KIAA1549: variants seen among roughly 807,000 people sequenced by gnomAD.
KIAA1549 encodes the protein UPF0606 protein KIAA1549.
KIAA1549 carries 70 observed loss-of-function variants against 156.4 expected under a neutral mutation model. The ratio of observed to expected loss-of-function variants is 0.45; its 90% confidence interval spans 0.37 to 0.55. The LOEUF is 0.55. Among genes scored for constraint, KIAA1549 ranks in the 20% least tolerant of loss-of-function variants. The pLI, the probability that KIAA1549 is intolerant of heterozygous loss-of-function variation, is 0.00. For missense variants in KIAA1549, 2,428 were observed against 2,540.9 expected, an observed-to-expected ratio of 0.96 and a Z score of 0.96; for synonymous variants, 1,103 against 1,066.4, an observed-to-expected ratio of 1.03 and a Z score of -0.67.
At chr7:138,899,911 A>AT (rs1811794179) in intron 8 of KIAA1549, among the ~76,000 whole-genome samples, 1 of 152,196 alleles carries the variant, frequency 6.6e-6, no homozygotes, top group Non-Finnish European at 1.5e-5. Context: ...CACACTTGAC[A>AT]TATCGTACCT....
At position 138,903,734 on chromosome 7, in the gene KIAA1549, G is replaced by C. The variant is rs766057548; in HGVS notation, c.3523C>G (p.Leu1175Val). The C allele has an allele frequency of 8.1e-5, 129 of 1,588,946 alleles. No individual in the cohort carries two copies. Among genetic ancestry groups the C allele is most frequent in the Admixed American group, 1.8e-4 (10 of 55,906 alleles). ...AGTTGCTTCTCCATGACGCCCAGGA[G>C]AACTACATTTAAATGAAAACATACG... ...LLKSSWVRTVLLGVMEKQLQN... is the reference protein window; with the variant it reads ...LLKSSWVRTVVLGVMEKQLQN... Residue 1175 changes from leucine (L) to valine (V), a missense_variant and splice_region_variant, in exon 8 of 20, where the codon CTC (leucine) becomes GTC (valine). This residue lies in a region of KIAA1549 where 762 missense variants were observed against 901.6 expected (regional missense o/e 0.85). Transcript: ENST00000422774.
At chr7:138,947,251 T>A (rs1191528115) in intron 1 of KIAA1549, among the ~76,000 whole-genome samples, 3 of 152,256 alleles carry the variant, frequency 2.0e-5, no homozygotes, top group African/African-American at 7.2e-5. Flanking sequence ...GCATCCATGA[T>A]GGCTTCTACG....
intron 11 of KIAA1549, 144 bp from the exon 12 acceptor site, chr7:138,879,797 G>A (rs112839766): frequency 6.4e-5 from 39 of 607,914 alleles, no homozygotes; most frequent in Admixed American, 1.4e-4. Context: ...ATAGCACAGC[G>A]TCTTCAAGGA....
At position 138,832,647 on chromosome 7, in the gene KIAA1549, C is replaced by A; in HGVS notation, c.*5259G>T. On this transcript the variant is annotated 3_prime_UTR_variant, in exon 20 of 20. Coordinates refer to ENST00000422774, the MANE Select transcript of KIAA1549 (RefSeq NM_001164665.2). The stretch of plus-strand genomic sequence containing the variant: ...ATTCATTGCTTCTGTCACTTTCTTA[C>A]TGGCTCCTAACTTTGTTTCATGTTT... The A allele has an allele frequency of 4.7e-6, 1 of 214,710 alleles. No homozygotes were observed. The allele number at this position is 214,710 out of a possible 1,614,324, so 13.3% of individuals were successfully genotyped here.
intron 16 of KIAA1549, among the ~76,000 whole-genome samples, chr7:138,854,516 C>A (rs748890247): frequency 6.6e-6 from 1 of 152,092 alleles, no homozygotes; most frequent in Non-Finnish European, 1.5e-5. Context: ...CTGAAGGCAC[C>A]TTGAAATCCA....
chr7:138,858,572 C>T (rs1228521568), intron 16 of KIAA1549, among the ~76,000 whole-genome samples: 1 of 152,074 alleles, frequency 6.6e-6, no homozygotes, highest in Non-Finnish European at 1.5e-5. Flanking sequence ...TTAGGTAGAA[C>T]CAGAGCAGCT....
chr7:138,870,664 G>A (rs1417665866), intron 13 of KIAA1549, among the ~76,000 whole-genome samples: 5 of 152,100 alleles, frequency 3.3e-5, no homozygotes, highest in African/African-American at 7.2e-5. Flanking sequence ...CTGCCAATGC[G>A]CCCCAGAGTG....
At chr7:138,890,845 C>T (rs777391105) in intron 10 of KIAA1549, among the ~76,000 whole-genome samples, 2 of 152,256 alleles carry the variant, frequency 1.3e-5, no homozygotes, top group Non-Finnish European at 1.5e-5. Flanking sequence ...CCACTGCTTA[C>T]AGCATAATTT....
At chr7:138,844,508 C>T in intron 17 of KIAA1549, 34 bp from the exon 18 acceptor site, 2 of 1,493,600 alleles carry the variant, frequency 1.3e-6, no homozygotes, top group Non-Finnish European at 8.9e-7. Context: ...ATCAGGACTC[C>T]ACTGCACCCT....
At chr7:138,887,350 A>G (rs1157884926) in intron 10 of KIAA1549, among the ~76,000 whole-genome samples, 1 of 152,210 alleles carries the variant, frequency 6.6e-6, no homozygotes, top group Non-Finnish European at 1.5e-5. Flanking sequence ...AAACGTATTT[A>G]AATAAAATGC....
Position 138,881,545 on chromosome 7 carries a change from G to C in KIAA1549, c.4072C>G (p.Gln1358Glu), listed in dbSNP as rs1376219790. ...TCTTTATTGTGCTGACCCAGATGCT[G>C]CTTAGCAAAATCGAAGCCCTTCACA... ...PSVKGFDFAK[Q>E]HLGQHNKDDI... Residue 1358 changes from glutamine (Q) to glutamate (E), a missense_variant, in exon 11 of 20, where the codon CAG (glutamine) becomes GAG (glutamate). Gln to Glu is a conservative substitution (Grantham distance 29). Coordinates refer to ENST00000422774, the MANE Select transcript of KIAA1549 (RefSeq NM_001164665.2). The C allele has an allele frequency of 1.2e-6, 2 of 1,613,770 alleles. No individual in the cohort carries two copies. The highest frequency in any genetic ancestry group is 1.7e-5 in the Admixed American group (1 of 59,982).
chr7:138,919,130 A>G lies in KIAA1549; in HGVS notation c.496T>C (p.Trp166Arg). 1 of 1,614,040 alleles carries G rather than the reference A, an allele frequency of 6.2e-7. No individual in the cohort carries two copies. The highest frequency in any genetic ancestry group is 8.5e-7 in the Non-Finnish European group (1 of 1,179,890). The change falls in exon 2 of 20, where the codon TGG (tryptophan) becomes CGG (arginine). Residue 166 changes from tryptophan to arginine, a missense_variant. Around this residue, in one of 5 missense-constraint regions of KIAA1549, gnomAD observed 893 missense variants for 847.9 expected, o/e 1.05. Transcript: ENST00000422774. ...GGAGAAACCATCCGTGGAGTGGTCC[A>G]GTGAGTATCTGGCAGAAAGTTATCC... ...EMDNFLPDTH[W>R]TTPRMVSPIQ...
At chr7:138,838,307 G>C (rs536226666) in intron 19 of KIAA1549, 147 bp from the exon 20 acceptor site, 1 of 818,332 alleles carries the variant, frequency 1.2e-6, no homozygotes, top group East Asian at 2.7e-5. Flanking sequence ...CTATGCTGCA[G>C]GTGAGGCGTG....
At chr7:138,979,808 G>C (rs1354267370) in intron 1 of KIAA1549, among the ~76,000 whole-genome samples, 1 of 152,222 alleles carries the variant, frequency 6.6e-6, no homozygotes, top group Non-Finnish European at 1.5e-5. Context: ...CCAGCTATGG[G>C]AAATCTCTGC....
intron 1 of KIAA1549, among the ~76,000 whole-genome samples, chr7:138,980,126 T>C (rs928443224): frequency 6.6e-6 from 1 of 152,100 alleles, no homozygotes; most frequent in Non-Finnish European, 1.5e-5. Context: ...GTTCACGGCT[T>C]TCTGGTTTTT....
At chr7:138,876,631 A>G (rs1055948832) in intron 12 of KIAA1549, among the ~76,000 whole-genome samples, 5 of 152,220 alleles carry the variant, frequency 3.3e-5, no homozygotes, top group Non-Finnish European at 5.9e-5. Flanking sequence ...GTATTTTGCA[A>G]TCCTTACCTA....
At chr7:138,926,491 G>A (rs1260583025) in intron 1 of KIAA1549, among the ~76,000 whole-genome samples, 1 of 151,944 alleles carries the variant, frequency 6.6e-6, no homozygotes, top group African/African-American at 2.4e-5. Context: ...CACCATGTTG[G>A]CCAGACTGGC....
Position 138,833,654 on chromosome 7 carries a change from T to TA in KIAA1549, c.*4251dup, listed in dbSNP as rs938423776. The TA allele has an allele frequency of 8.2e-5, 18 of 219,216 alleles. No individual in the cohort carries two copies. Among genetic ancestry groups the TA allele is most frequent in the Non-Finnish European group, 1.2e-4 (14 of 116,600 alleles). The allele number at this position is 219,216 out of a possible 1,614,324, so 13.6% of individuals were successfully genotyped here. ...GCAGTAAAGAAGCTGAATATATATA[T>TA]AGATAGATAGACAGATACATAGACA... On this transcript the variant is annotated 3_prime_UTR_variant, in exon 20 of 20. Coordinates refer to ENST00000422774, the MANE Select transcript of KIAA1549 (RefSeq NM_001164665.2).
At chr7:138,856,409 A>G (rs1322013118) in intron 16 of KIAA1549, among the ~76,000 whole-genome samples, 1 of 152,140 alleles carries the variant, frequency 6.6e-6, no homozygotes, top group Non-Finnish European at 1.5e-5. Context: ...ACCATCCGCC[A>G]TTAAACACGT....
Sources: gnomAD v4.1 joint callset for allele counts (sites outside exome capture counted in the v4.1 genomes callset) on GRCh38, gnomAD v4.1.1 for gene constraint, gnomAD v4.1.1 regional missense constraint, MANE v1.5 for transcripts, NCBI Gene and HGNC (gene_info 2026-07-23, HGNC 2026-07-21) for gene names.